MAP3K9: variants seen among roughly 807,000 people sequenced by gnomAD.
The protein encoded by MAP3K9 is mitogen-activated protein kinase kinase kinase 9.
MAP3K9 carries 46 observed loss-of-function variants against 95.8 expected under a neutral mutation model. That is an observed-to-expected ratio of 0.48 (90% CI 0.38 to 0.61). The LOEUF is 0.61. Ranked by LOEUF, MAP3K9 falls within the 20% of genes least tolerant of loss-of-function variation. The probability of loss-of-function intolerance (pLI) is 0.00; values close to 1 mark genes in which losing one functional copy is unlikely to be tolerated. For missense variants in MAP3K9, 1,296 were observed against 1,474.3 expected (o/e 0.88, Z 1.98); for synonymous variants, 533 against 593.8 (o/e 0.90, Z 1.49).
intron 2 of MAP3K9, among the ~76,000 whole-genome samples, chr14:70,762,268 G>C (rs2054386523): frequency 6.6e-6 from 1 of 152,122 alleles, no homozygotes; most frequent in Admixed American, 6.5e-5. Context: ...GAGCATATTT[G>C]CTGGATCGCA....
At chr14:70,789,455 G>C (rs1274836090) in intron 2 of MAP3K9, among the ~76,000 whole-genome samples, 2 of 152,198 alleles carry the variant, frequency 1.3e-5, no homozygotes, top group Non-Finnish European at 2.9e-5. Context: ...AAAAAGCACA[G>C]TGCCATTTAC....
rs1345425272 is a variant in MAP3K9, at chr14:70,732,792, CACG to C, written c.2574_2576del (p.Val859del). 2 of 1,613,782 alleles carry C rather than the reference CACG, an allele frequency of 1.2e-6. No individual in the cohort carries two copies. Among genetic ancestry groups the C allele is most frequent in the Non-Finnish European group, 1.7e-6 (2 of 1,179,900 alleles). ...CGACTGGGCTGACTGGCATCTCATA[CACG>C]ACAATTTCATCGCTGTCGGAGCGCA... On this transcript the variant is annotated inframe_deletion, in exon 11 of 12. Coordinates refer to ENST00000554752, the MANE Select transcript of MAP3K9 (RefSeq NM_001284230.2).
intron 2 of MAP3K9, among the ~76,000 whole-genome samples, chr14:70,767,549 T>C (rs1361698237): frequency 6.6e-6 from 1 of 151,998 alleles, no homozygotes; most frequent in Non-Finnish European, 1.5e-5. Context: ...GAAAGAGTAA[T>C]ACCTCAGCCA....
chr14:70,745,052 C>A (rs555757778), intron 5 of MAP3K9, among the ~76,000 whole-genome samples: 20 of 152,208 alleles, frequency 1.3e-4, no homozygotes, highest in African/African-American at 4.3e-4. Flanking sequence ...AGCATGCCTA[C>A]AAAATTTTTA....
chr14:70,764,265 AT>A (rs1444191580), intron 2 of MAP3K9, among the ~76,000 whole-genome samples: 2 of 150,438 alleles, frequency 1.3e-5, no homozygotes, highest in Admixed American at 6.6e-5. Context: ...AGAAGAAGGC[AT>A]TGTTATTATA....
At chr14:70,794,611 T>G (rs1200020822) in intron 2 of MAP3K9, among the ~76,000 whole-genome samples, 1 of 152,060 alleles carries the variant, frequency 6.6e-6, no homozygotes, top group Non-Finnish European at 1.5e-5. Flanking sequence ...CATGCAAAAA[T>G]GCACAGAAAA....
chr14:70,770,635 G>T (rs2054518689), intron 2 of MAP3K9, among the ~76,000 whole-genome samples: 1 of 152,206 alleles, frequency 6.6e-6, no homozygotes, highest in Admixed American at 6.5e-5. Flanking sequence ...AGACAGCCAA[G>T]AGCAGATACA....
intron 1 of MAP3K9, among the ~76,000 whole-genome samples, chr14:70,807,105 C>T (rs543552200): frequency 6.6e-6 from 1 of 152,124 alleles, no homozygotes; most frequent in Non-Finnish European, 1.5e-5. Flanking sequence ...ATTTGAACAT[C>T]GATTTGATAG....
chr14:70,734,882 G>A (rs1211722579), intron 9 of MAP3K9, among the ~76,000 whole-genome samples: 2 of 152,220 alleles, frequency 1.3e-5, no homozygotes, highest in Non-Finnish European at 2.9e-5. Context: ...TGACAGTTAC[G>A]GTGATGCAAA....
intron 9 of MAP3K9, among the ~76,000 whole-genome samples, 190 bp downstream of exon 9, chr14:70,735,771 A>T (rs2053977145): frequency 6.6e-6 from 1 of 152,196 alleles, no homozygotes; most frequent in Admixed American, 6.5e-5. Flanking sequence ...AGAATATGGT[A>T]AAATTAGATC....
chr14:70,783,640 G>A (rs1025659910), intron 2 of MAP3K9, among the ~76,000 whole-genome samples: 2 of 152,244 alleles, frequency 1.3e-5, no homozygotes, highest in African/African-American at 4.8e-5. Flanking sequence ...AATGAACAGT[G>A]AAGTCAAATT....
At position 70,801,006 on chromosome 14, in the gene MAP3K9, C is replaced by T; in HGVS notation, c.481G>A (p.Ala161Thr). ...GIGGFGKVYR[A>T]FWIGDEVAVK... Reference sequence around the variant, plus strand: ...GCAACCTCATCCCCTATCCAGAAAGCACGATAGACCTTCCCAAAGCCCCCG... The same window carrying T: ...GCAACCTCATCCCCTATCCAGAAAGTACGATAGACCTTCCCAAAGCCCCCG... The change falls in exon 2 of 12, where the codon GCT (alanine) becomes ACT (threonine). Residue 161 changes from alanine to threonine, a missense_variant. Around this residue, in one of 5 missense-constraint regions of MAP3K9, gnomAD observed 338 missense variants for 363.4 expected, o/e 0.93. Transcript: ENST00000554752. 1 of 1,614,188 alleles carries T rather than the reference C, an allele frequency of 6.2e-7. No individual in the cohort carries two copies. The highest frequency in any genetic ancestry group is 8.5e-7 in the Non-Finnish European group (1 of 1,180,042).
rs374498297 is a variant in MAP3K9 at position 70,761,114 on chromosome 14, G to A, written c.889C>T (p.Leu297=). Residue 297 remains leucine (L), a synonymous_variant, in exon 3 of 12, where the codon CTG becomes TTG. Transcript: ENST00000554752. ...GTGGTTCGGTGCCATTCCCGAGCCAGGCCAAAATCAGTGATCTTCAGAATC... is the reference window on the plus strand; with the variant it reads ...GTGGTTCGGTGCCATTCCCGAGCCAAGCCAAAATCAGTGATCTTCAGAATC... ...NKILKITDFG[L]AREWHRTTKM... 3 of 1,613,984 alleles carry A rather than the reference G, an allele frequency of 1.9e-6. No individual in the cohort carries two copies. Among genetic ancestry groups the A allele is most frequent in the Non-Finnish European group, 2.5e-6 (3 of 1,180,032 alleles).
At chr14:70,742,154 T>C (rs1260133520) in intron 6 of MAP3K9, among the ~76,000 whole-genome samples, 197 bp downstream of exon 6, 3 of 152,180 alleles carry the variant, frequency 2.0e-5, no homozygotes, top group East Asian at 1.9e-4. Flanking sequence ...TTCACTCACA[T>C]GCAACAATTT....
At chr14:70,731,201 T>C (rs1279570894) in intron 11 of MAP3K9, among the ~76,000 whole-genome samples, 2 of 151,980 alleles carry the variant, frequency 1.3e-5, no homozygotes, top group African/African-American at 2.4e-5. Context: ...ATCCCAGCAC[T>C]TTGGGAGGCC....
At chr14:70,791,759 C>T (rs1313304084) in intron 2 of MAP3K9, among the ~76,000 whole-genome samples, 1 of 152,250 alleles carries the variant, frequency 6.6e-6, no homozygotes, top group Admixed American at 6.5e-5. Flanking sequence ...GCTCATGGTA[C>T]TCACCACAGT....
intron 8 of MAP3K9, 82 bp downstream of exon 8, chr14:70,738,162 GA>G (rs1447351818): frequency 6.8e-5 from 95 of 1,398,726 alleles, no homozygotes; most frequent in Non-Finnish European, 8.3e-5. Flanking sequence ...ACACGACAGA[GA>G]AAAAAAGTTA....
chr14:70,774,983 CAAAAAAAAAAAAAAA>C (rs60144338), intron 2 of MAP3K9, among the ~76,000 whole-genome samples: 1 of 55,096 alleles, frequency 1.8e-5, no homozygotes, highest in African/African-American at 7.8e-5. Flanking sequence ...ACTCTGTCCC[CAAAAAAAAAAAAAAA>C]AAAAAAAAAA....
At chr14:70,792,104 T>C (rs1221697258) in intron 2 of MAP3K9, among the ~76,000 whole-genome samples, 2 of 152,244 alleles carry the variant, frequency 1.3e-5, no homozygotes, top group Admixed American at 1.3e-4. Context: ...TTCACTTACG[T>C]ATTTATTTTG....
Sources: allele counts gnomAD v4.1 joint callset (sites outside exome capture counted in the v4.1 genomes callset), GRCh38; gene constraint gnomAD v4.1.1; regional missense constraint gnomAD v4.1.1; transcripts MANE v1.5; gene names NCBI Gene and HGNC (gene_info 2026-07-23, HGNC 2026-07-21).